ZNF516: variants seen among roughly 807,000 people sequenced by gnomAD.
ZNF516 encodes zinc finger protein 516.
In ZNF516, 19 loss-of-function variants were observed where a neutral mutation model predicts 79.7. The observed-to-expected ratio is 0.24, with a 90% CI of 0.17 to 0.35. The LOEUF is 0.35. Ranked by LOEUF, ZNF516 falls within the 10% of genes least tolerant of loss-of-function variation. The pLI, the probability that ZNF516 is intolerant of heterozygous loss-of-function variation, is 1.00. For missense variants in ZNF516, 1,678 were observed against 1,679.5 expected (o/e 1.00, Z 0.02); for synonymous variants, 877 against 739.5 (o/e 1.19, Z -3.02).
intron 3 of ZNF516, among the ~76,000 whole-genome samples, chr18:76,383,086 T>C (rs1341525573): frequency 1.4e-5 from 2 of 147,936 alleles, no homozygotes; most frequent in East Asian, 2.0e-4. Flanking sequence ...AAGTTATCGA[T>C]GTCACCGGTC....
chr18:76,443,184 G>A lies in ZNF516; in HGVS notation c.-130C>T. 7.4e-7 allele frequency: 1 copy of A among 1,352,070 alleles called. No individual in the cohort carries two copies. Among genetic ancestry groups the A allele is most frequent in the Non-Finnish European group, 9.7e-7 (1 of 1,030,764 alleles). The allele number at this position is 1,352,070 out of a possible 1,614,324, so 83.8% of individuals were successfully genotyped here. The stretch of plus-strand genomic sequence containing the variant: ...CTCCCAGGAGGTGCACCTTCTACAT[G>A]GGGGGCGCAGCAGCTGGCAGCCAGC... On this transcript the variant is annotated 5_prime_UTR_variant, in exon 3 of 7. Transcript: ENST00000443185.
intron 1 of ZNF516, among the ~76,000 whole-genome samples, chr18:76,485,045 A>G (rs1914748609): frequency 1.3e-5 from 1 of 78,434 alleles, no homozygotes; most frequent in Non-Finnish European, 3.4e-5. Context: ...CTTATTTATT[A>G]ACACTTTTAT....
At chr18:76,458,761 T>C (rs1912902045) in intron 2 of ZNF516, among the ~76,000 whole-genome samples, 1 of 150,018 alleles carries the variant, frequency 6.7e-6, no homozygotes, top group South Asian at 2.1e-4. Flanking sequence ...CCGTCGTGCG[T>C]GTGTGTGCCT....
At chr18:76,430,184 A>G (rs2075644497) in intron 3 of ZNF516, among the ~76,000 whole-genome samples, 1 of 152,224 alleles carries the variant, frequency 6.6e-6, no homozygotes, top group African/African-American at 2.4e-5. Context: ...TTTCAGTCTC[A>G]TGGCCCTGGA....
chr18:76,430,004 T>C (rs1382421712), intron 3 of ZNF516, among the ~76,000 whole-genome samples: 3 of 152,226 alleles, frequency 2.0e-5, no homozygotes, highest in African/African-American at 7.2e-5. Context: ...CAGAACCTTC[T>C]GTTCAGAGCT....
Position 76,379,607 on chromosome 18 carries a change from G to A in ZNF516, c.2507C>T (p.Thr836Ile), listed in dbSNP as rs1307315271. 1 of 1,613,542 alleles carries A rather than the reference G, an allele frequency of 6.2e-7. No homozygotes were observed. Among genetic ancestry groups the A allele is most frequent in the African/African-American group, 1.3e-5 (1 of 74,952 alleles). The change falls in exon 4 of 7, where the codon ACC (threonine) becomes ATC (isoleucine). Residue 836 changes from threonine to isoleucine, a missense_variant. Thr to Ile is a moderately conservative substitution (Grantham distance 89). Coordinates refer to ENST00000443185, the MANE Select transcript of ZNF516 (RefSeq NM_014643.4). The part of the protein sequence containing the change: ...ECQPLLLARF[T>I]RTQVPGGMPG... ...CATCCCCCCTGGCACCTGAGTGCGG[G>A]TGAACCGAGCAAGGAGCAAAGGCTG...
chr18:76,442,784 G>C lies in ZNF516; in HGVS notation c.271C>G (p.Gln91Glu). The C allele has an allele frequency of 6.2e-7, 1 of 1,605,214 alleles. No individual in the cohort carries two copies. Among genetic ancestry groups the C allele is most frequent in the African/African-American group, 1.3e-5 (1 of 74,892 alleles). The change falls in exon 3 of 7, where the codon CAG (glutamine) becomes GAG (glutamate). Residue 91 changes from glutamine to glutamate, a missense_variant. This residue lies in a region of ZNF516 where 279 missense variants were observed against 254.1 expected (regional missense o/e 1.10). Transcript: ENST00000443185. ...TCGCCCGCCTCCGGCTCGTGTCCCT[G>C]AATCAGAGTCCCCGTGCGGTGGCTC... ...IRSHRTGTLI[Q>E]GHEPEAGEAP... is the part of the protein sequence containing the mutation.
intron 4 of ZNF516, among the ~76,000 whole-genome samples, chr18:76,375,197 T>A (rs1285662834): frequency 6.6e-6 from 1 of 152,186 alleles, no homozygotes; most frequent in Non-Finnish European, 1.5e-5. Flanking sequence ...TCCTTCTGGC[T>A]ACAACACTTT....
At chr18:76,419,958 A>G (rs1355971511) in intron 3 of ZNF516, among the ~76,000 whole-genome samples, 1 of 152,226 alleles carries the variant, frequency 6.6e-6, no homozygotes, top group Non-Finnish European at 1.5e-5. Flanking sequence ...TGTGAGGCCC[A>G]CGCATGTGGA....
chr18:76,432,351 G>A (rs17059362), intron 3 of ZNF516, among the ~76,000 whole-genome samples: 41,809 of 152,148 alleles, frequency 0.27, 7,055 homozygotes, highest in East Asian at 0.45. Flanking sequence ...ACAGGTCTCT[G>A]CCTTCCGTGC....
intron 3 of ZNF516, among the ~76,000 whole-genome samples, chr18:76,407,303 T>A (rs529767841): frequency 2.0e-5 from 3 of 152,236 alleles, no homozygotes; most frequent in African/African-American, 7.2e-5. Context: ...TGTGCACCTG[T>A]TGTTTCAGCT....
rs780129703 is a variant in ZNF516, at chr18:76,380,024, G to A, written c.2090C>T (p.Thr697Met). 42 of 1,613,792 alleles carry A rather than the reference G, an allele frequency of 2.6e-5. No individual in the cohort carries two copies. The highest frequency in any genetic ancestry group is 1.9e-4 in the South Asian group (17 of 91,092). Residue 697 changes from threonine (T) to methionine (M), a missense_variant, in exon 4 of 7, where the codon ACG becomes ATG. Thr to Met is a moderately conservative substitution (Grantham distance 81). Coordinates refer to ENST00000443185, the MANE Select transcript of ZNF516 (RefSeq NM_014643.4). ...PGDGVEFPSS[T>M]GAEGQTGHPA... The stretch of plus-strand genomic sequence containing the variant: ...GTGACCCGTCTGGCCCTCCGCTCCC[G>A]TACTGGAAGGGAACTCCACACCATC...
intron 2 of ZNF516, among the ~76,000 whole-genome samples, chr18:76,450,778 G>C (rs1027510742): frequency 1.1e-4 from 16 of 152,284 alleles, no homozygotes; most frequent in African/African-American, 3.8e-4. Flanking sequence ...CGTTATCAGG[G>C]AAAAACTGTA....
intron 1 of ZNF516, chr18:76,492,190 C>A (rs1304764043): frequency 1.0e-6 from 1 of 985,322 alleles, no homozygotes; most frequent in African/African-American, 1.7e-5. Context: ...GCAGCAACCC[C>A]GCGGTGCTCC....
At chr18:76,485,823 G>A (rs1156988805) in intron 1 of ZNF516, among the ~76,000 whole-genome samples, 1 of 149,444 alleles carries the variant, frequency 6.7e-6, no homozygotes, top group African/African-American at 2.5e-5. Flanking sequence ...AAGCTCAGGG[G>A]AACTATTAAA....
intron 6 of ZNF516, among the ~76,000 whole-genome samples, chr18:76,366,519 C>G (rs569412466): frequency 6.6e-6 from 1 of 152,330 alleles, no homozygotes; most frequent in African/African-American, 2.4e-5. Flanking sequence ...AGCACGCTGG[C>G]AGGTTCCGAC....
At chr18:76,492,968 A>C in intron 1 of ZNF516, 2 of 985,572 alleles carry the variant, frequency 2.0e-6, no homozygotes, top group Non-Finnish European at 2.4e-6. Flanking sequence ...ACATGGGCTC[A>C]TGCACGCGCA....
chr18:76,377,069 C>T (rs942701361), intron 4 of ZNF516, among the ~76,000 whole-genome samples: 6 of 152,222 alleles, frequency 3.9e-5, no homozygotes, highest in Non-Finnish European at 7.3e-5. Flanking sequence ...ACTGAGAAAC[C>T]CTGCTGACGC....
intron 1 of ZNF516, among the ~76,000 whole-genome samples, chr18:76,489,586 CAAAAAA>C (rs5826461): frequency 4.5e-4 from 49 of 109,374 alleles, no homozygotes; most frequent in African/African-American, 1.4e-3. Flanking sequence ...CAACATCTTA[CAAAAAA>C]AAAAAAAAAA....
Sources: gnomAD v4.1 joint callset for allele counts (sites outside exome capture counted in the v4.1 genomes callset) on GRCh38, gnomAD v4.1.1 for gene constraint, gnomAD v4.1.1 regional missense constraint, MANE v1.5 for transcripts, NCBI Gene and HGNC (gene_info 2026-07-23, HGNC 2026-07-21) for gene names.